JAK2: variants seen among roughly 807,000 people sequenced by gnomAD.
JAK2 encodes the protein Janus kinase 2.
JAK2 carries 86 observed loss-of-function variants against 139.3 expected under a neutral mutation model. The observed-to-expected ratio is 0.62, with a 90% CI of 0.52 to 0.74. JAK2 has a LOEUF of 0.74. Ranked by LOEUF, JAK2 falls within the 30% of genes least tolerant of loss-of-function variation. The probability of loss-of-function intolerance (pLI) is 0.00; values close to 1 mark genes in which losing one functional copy is unlikely to be tolerated. For synonymous variants in JAK2, 490 were observed against 437.7 expected (o/e 1.12, Z -1.49); for missense variants, 1,421 against 1,360.3 (o/e 1.04, Z -0.70).
Position 5,124,200 on chromosome 9 carries a change from A to T in JAK2, c.3177+1079A>T, listed in dbSNP as rs192493546. Among the ~76,000 whole-genome samples the T allele has an allele frequency of 4.5e-3, 690 of 151,736 alleles. 7 individuals are homozygous for T. The highest frequency in any genetic ancestry group is 0.016 in the African/African-American group (647 of 41,488). ...TGATTATTGATTTTGCTATGCTGAA[A>T]TTTTTTAGCTTAATAAAGTCTCATT... is the stretch of plus-strand genomic sequence containing the variant. On this transcript the variant is annotated intron_variant, in intron 23 of 24. Transcript: ENST00000381652.
intron 22 of JAK2, among the ~76,000 whole-genome samples, chr9:5,119,815 TACTGCTAA>T (rs1823476778): frequency 6.6e-6 from 1 of 152,156 alleles, no homozygotes; most frequent in South Asian, 2.1e-4. Flanking sequence ...AAAAAATATA[TACTGCTAA>T]AAGCAAATCA....
At chr9:5,041,422 G>A (rs923693622) in intron 4 of JAK2, 2 of 628,922 alleles carry the variant, frequency 3.2e-6, no homozygotes, top group East Asian at 6.4e-5. Context: ...TGGGCCACAT[G>A]TTCATGTACT....
At chr9:5,101,143 C>G (rs1176438906) in intron 22 of JAK2, 1 of 152,290 alleles carries the variant, frequency 6.6e-6, no homozygotes, top group Non-Finnish European at 1.5e-5. Context: ...GAAGCCATGA[C>G]AGACTGTACC....
At chr9:5,074,451 C>A (rs1405009014) in intron 14 of JAK2, among the ~76,000 whole-genome samples, 1 of 145,088 alleles carries the variant, frequency 6.9e-6, no homozygotes, top group Non-Finnish European at 1.5e-5. Context: ...GTAATTCTAG[C>A]AACATTTCAA....
chr9:5,079,721 C>T (rs1028533012), intron 16 of JAK2, among the ~76,000 whole-genome samples: 2 of 152,030 alleles, frequency 1.3e-5, no homozygotes, highest in Non-Finnish European at 2.9e-5. Flanking sequence ...CTTCCTAAAG[C>T]GCTTGGGTGG....
chr9:5,081,961 G>C (rs769485241), intron 19 of JAK2, 100 bp downstream of exon 19: 8 of 979,228 alleles, frequency 8.2e-6, no homozygotes, highest in African/African-American at 1.7e-5. Flanking sequence ...TTTAAGGAGT[G>C]CTTGTAGAAA....
chr9:5,085,040 G>C (rs543854737), intron 19 of JAK2: 1 of 779,952 alleles, frequency 1.3e-6, no homozygotes, highest in East Asian at 3.7e-5. Context: ...GAATGAGGGC[G>C]TCTCTTTCTG....
At chr9:5,075,028 A>G (rs1006637511) in intron 14 of JAK2, among the ~76,000 whole-genome samples, 1 of 151,976 alleles carries the variant, frequency 6.6e-6, no homozygotes, top group Non-Finnish European at 1.5e-5. Context: ...AGAAGATCAA[A>G]CCAGTCACAA....
chr9:5,122,972 CTGTCTT>C (rs1564026862), intron 22 of JAK2, 26 bp from the exon 23 acceptor site: 1 of 1,374,844 alleles, frequency 7.3e-7, no homozygotes, highest in Non-Finnish European at 1.0e-6. Context: ...TATCAAGTAA[CTGTCTT>C]TTAAATGTTA....
intron 14 of JAK2, among the ~76,000 whole-genome samples, chr9:5,075,798 G>T (rs976053801): frequency 6.6e-6 from 1 of 152,160 alleles, no homozygotes; most frequent in Non-Finnish European, 1.5e-5. Context: ...AATACATTTT[G>T]TAAGGCTAAG....
chr9:5,062,853 C>G (rs533061563), intron 8 of JAK2, among the ~76,000 whole-genome samples: 4 of 152,134 alleles, frequency 2.6e-5, no homozygotes, highest in African/African-American at 9.6e-5. Context: ...TATAGGTCAG[C>G]TTTAATATTT....
chr9:5,114,200 G>A (rs988813333), intron 22 of JAK2: 3 of 480,902 alleles, frequency 6.2e-6, no homozygotes, highest in South Asian at 1.8e-5. Context: ...GCACCTACCT[G>A]AGCCGGTCCA....
At chr9:5,074,541 A>T (rs1349659304) in intron 14 of JAK2, among the ~76,000 whole-genome samples, 5 of 152,164 alleles carry the variant, frequency 3.3e-5, no homozygotes, top group Admixed American at 1.3e-4. Flanking sequence ...TGTCCCAAAC[A>T]GAGAGAATAT....
At chr9:5,112,788 T>G in intron 22 of JAK2, 1 of 574,994 alleles carries the variant, frequency 1.7e-6, no homozygotes, top group Non-Finnish European at 2.7e-6. Context: ...GGCCCCCAGA[T>G]GGTGCTTTCA....
chr9:5,123,044 G>A lies in JAK2; in HGVS notation c.3100G>A (p.Ala1034Thr). The change falls in exon 23 of 25, where the codon GCC becomes ACC. Residue 1034 changes from alanine to threonine, a missense_variant. Physicochemically the swap from Ala to Thr is moderately conservative, Grantham distance 58. Transcript: ENST00000381652. ...ACTGACAGAGAGCAAGTTTTCTGTG[G>A]CCTCAGATGTTTGGAGCTTTGGAGT... is the stretch of plus-strand genomic sequence containing the variant. ...ESLTESKFSVASDVWSFGVVL... is the reference protein window; with the variant it reads ...ESLTESKFSVTSDVWSFGVVL... 2 of 1,611,356 alleles carry A rather than the reference G, an allele frequency of 1.2e-6. No individual in the cohort carries two copies. Among genetic ancestry groups the A allele is most frequent in the Non-Finnish European group, 1.7e-6 (2 of 1,178,304 alleles).
intron 2 of JAK2, among the ~76,000 whole-genome samples, chr9:5,012,772 G>T (rs993881438): frequency 6.6e-6 from 1 of 152,176 alleles, no homozygotes; most frequent in South Asian, 2.1e-4. Context: ...AGTGGAAAGA[G>T]CACATAGCAA....
chr9:5,112,504 G>T, intron 22 of JAK2: 1 of 565,340 alleles, frequency 1.8e-6, no homozygotes, highest in Non-Finnish European at 3.2e-6. Context: ...GGAGGAAGAT[G>T]ACCTTTTCCC....
intron 22 of JAK2, among the ~76,000 whole-genome samples, chr9:5,122,014 A>C (rs1259887747): frequency 6.6e-6 from 1 of 152,166 alleles, no homozygotes; most frequent in Non-Finnish European, 1.5e-5. Flanking sequence ...TAAATGTAAA[A>C]AGAATATAGC....
chr9:5,069,589 C>A (rs373710281), intron 11 of JAK2, among the ~76,000 whole-genome samples: 10 of 151,838 alleles, frequency 6.6e-5, no homozygotes, highest in African/African-American at 1.9e-4. Context: ...AAATAATGAG[C>A]CTTACTATTA....
Sources: allele counts gnomAD v4.1 joint callset (sites outside exome capture counted in the v4.1 genomes callset), GRCh38; gene constraint gnomAD v4.1.1; transcripts MANE v1.5; gene names NCBI Gene and HGNC (gene_info 2026-07-23, HGNC 2026-07-21).